Variants in IRAG1 observed in about 807,000 individuals in gnomAD.
IRAG1 encodes inositol 1,4,5-triphosphate receptor associated 1.
Under a neutral mutation model 106.2 loss-of-function variants are expected in IRAG1, and 62 were observed. The observed-to-expected ratio is 0.58, with a 90% CI of 0.48 to 0.72. The LOEUF (loss-of-function observed/expected upper bound fraction) is 0.72, where lower values mean the gene tolerates loss of function less well. Among genes scored for constraint, IRAG1 ranks in the 30% least tolerant of loss-of-function variants. The pLI is 0.00. For missense variants in IRAG1, 1,064 were observed against 1,140.7 expected (o/e 0.93, Z 0.97); for synonymous variants, 462 against 443.9 (o/e 1.04, Z -0.51).
chr11:10,629,910 C>T, intron 4 of IRAG1, 199 bp from the exon 5 acceptor site: 2 of 564,960 alleles, frequency 3.5e-6, no homozygotes. Flanking sequence ...GGCTTATGGC[C>T]TGTGGTCCTC....
intron 9 of IRAG1, among the ~76,000 whole-genome samples, chr11:10,624,727 G>T (rs1856102504): frequency 6.6e-6 from 1 of 152,348 alleles, no homozygotes; most frequent in Non-Finnish European, 1.5e-5. Context: ...CAGCCCATCA[G>T]CTTCAGCACA....
intron 1 of IRAG1, among the ~76,000 whole-genome samples, chr11:10,683,429 A>T (rs914702711): frequency 2.0e-5 from 3 of 152,166 alleles, no homozygotes; most frequent in Non-Finnish European, 4.4e-5. Flanking sequence ...TCAAAAAAAA[A>T]TTTTACAAAG....
intron 1 of IRAG1, among the ~76,000 whole-genome samples, chr11:10,669,853 C>T (rs1009488750): frequency 1.3e-5 from 2 of 152,256 alleles, no homozygotes; most frequent in African/African-American, 4.8e-5. Context: ...TATTGATTTC[C>T]CAGCAGGTGA....
At chr11:10,663,540 T>A (rs1364562200) in intron 1 of IRAG1, among the ~76,000 whole-genome samples, 1 of 152,140 alleles carries the variant, frequency 6.6e-6, no homozygotes, top group Non-Finnish European at 1.5e-5. Context: ...CTCTGGGGTG[T>A]GTCCTCCAAG....
chr11:10,675,284 A>C (rs1454124921), intron 1 of IRAG1, among the ~76,000 whole-genome samples: 1 of 152,154 alleles, frequency 6.6e-6, no homozygotes, highest in Admixed American at 6.5e-5. Flanking sequence ...TCAGACCCCA[A>C]GTAGAATCTG....
intron 1 of IRAG1, among the ~76,000 whole-genome samples, chr11:10,686,186 G>C (rs11042919): frequency 6.6e-6 from 1 of 151,978 alleles, no homozygotes; most frequent in East Asian, 1.9e-4. Flanking sequence ...ACTTATTCAG[G>C]TATAAGTACT....
In IRAG1 at chr11:10,626,445, G is replaced by A; in HGVS notation, c.889C>T (p.Gln297Ter). Residue 297 changes from glutamine to a stop codon, truncating the protein, a stop_gained, in exon 9 of 21, where the codon CAG becomes TAG. Coordinates refer to ENST00000423302, the MANE Select transcript of IRAG1 (RefSeq NM_130385.4). LOFTEE classifies it high-confidence loss of function. ...IEQKENFDPLQYPETTPKGLA... is the reference protein window; with the variant it reads ...IEQKENFDPL ...CCTTTGGGTGTGGTCTCGGGGTACT[G>A]GAGGGGATCGAAGTTTTCCTTTTGT... The A allele has an allele frequency of 6.2e-7, 1 of 1,613,950 alleles. No individual in the cohort carries two copies. The highest frequency in any genetic ancestry group is 8.5e-7 in the Non-Finnish European group (1 of 1,179,868).
chr11:10,685,411 G>GT (rs1861592965), intron 1 of IRAG1, among the ~76,000 whole-genome samples: 1 of 88,032 alleles, frequency 1.1e-5, no homozygotes. Flanking sequence ...GCAAGATTCC[G>GT]TTCCCAAAAA....
rs888090109 is a variant in IRAG1, at chr11:10,576,132, C to T, written c.*200G>A. ...TCATCCACTGGATGCTTTCCCAGGG[C>T]AGTTTTGTTGATCCTCCAAGAACAT... On this transcript the variant is annotated 3_prime_UTR_variant, in exon 21 of 21. Coordinates refer to ENST00000423302, the MANE Select transcript of IRAG1 (RefSeq NM_130385.4). The T allele has an allele frequency of 1.1e-5, 7 of 646,468 alleles. No homozygotes were observed. Among genetic ancestry groups the T allele is most frequent in the Non-Finnish European group, 1.8e-5 (7 of 386,742 alleles). The allele number at this position is 646,468 out of a possible 1,614,324, so 40.0% of individuals were successfully genotyped here.
At chr11:10,614,056 A>AT (rs1478225777) in intron 10 of IRAG1, among the ~76,000 whole-genome samples, 2 of 152,116 alleles carry the variant, frequency 1.3e-5, no homozygotes, top group African/African-American at 4.8e-5. Flanking sequence ...TCCTGCCAAA[A>AT]TTATTCAAAC....
intron 1 of IRAG1, among the ~76,000 whole-genome samples, chr11:10,669,124 T>A (rs1441204145): frequency 6.6e-6 from 1 of 152,240 alleles, no homozygotes; most frequent in Non-Finnish European, 1.5e-5. Flanking sequence ...GACCCATTTT[T>A]AATAAATAAA....
intron 8 of IRAG1, 41 bp downstream of exon 8, chr11:10,627,675 C>A (rs1222113261): frequency 1.2e-6 from 2 of 1,611,526 alleles, no homozygotes; most frequent in Admixed American, 1.7e-5. Context: ...ACTGTGCCCC[C>A]CACACTCAAA....
At chr11:10,587,001 G>A (rs1852081740) in intron 18 of IRAG1, among the ~76,000 whole-genome samples, 2 of 152,140 alleles carry the variant, frequency 1.3e-5, no homozygotes, top group Non-Finnish European at 1.5e-5. Flanking sequence ...TGGACTAAAC[G>A]AATCTGTAAT....
In IRAG1 at chr11:10,659,479, C is replaced by T. The variant is rs552163998; in HGVS notation, c.68-7297G>A. The stretch of plus-strand genomic sequence containing the variant: ...GTGTCCCCTAAACAAAGTCACGTTT[C>T]GGGAGGCTGGCCCTGAGAACCCCGA... On this transcript the variant is annotated intron_variant, in intron 1 of 20. Coordinates refer to ENST00000423302, the MANE Select transcript of IRAG1 (RefSeq NM_130385.4). This position sits in a 1 kb window ranked among gnomAD's most constrained non-coding sequence, Gnocchi z 4.1. 3.0e-4 allele frequency among the ~76,000 whole-genome samples: 46 copies of T among 152,254 alleles called. 1 individual carries two copies. The highest frequency in any genetic ancestry group is 2.5e-3 in the Admixed American group (39 of 15,310).
intron 15 of IRAG1, among the ~76,000 whole-genome samples, chr11:10,599,090 T>A (rs1329355565): frequency 6.6e-6 from 1 of 152,192 alleles, no homozygotes; most frequent in Non-Finnish European, 1.5e-5. Flanking sequence ...CACGTACAGC[T>A]ATCGTTGACC....
At chr11:10,584,550 T>A (rs1165794561) in intron 18 of IRAG1, among the ~76,000 whole-genome samples, 16 of 15,222 alleles carry the variant, frequency 1.1e-3, no homozygotes, top group Non-Finnish European at 1.8e-3. Context: ...TTTCATGAAA[T>A]ATATATATAT....
At position 10,576,151 on chromosome 11, in the gene IRAG1, A is replaced by G; in HGVS notation, c.*181T>C. ...CCAGGGCAGTTTTGTTGATCCTCCA[A>G]GAACATCAAGTCACTGTGTATGAAT... On this transcript the variant is annotated 3_prime_UTR_variant, in exon 21 of 21. Transcript: ENST00000423302. 1.3e-6 allele frequency: 1 copy of G among 767,450 alleles called. No individual in the cohort carries two copies. Among genetic ancestry groups the G allele is most frequent in the Non-Finnish European group, 2.0e-6 (1 of 491,806 alleles). 47.5% of individuals were successfully genotyped at this position (767,450 alleles called of 1,614,324 possible).
At chr11:10,635,656 G>T (rs1186100874) in intron 2 of IRAG1, among the ~76,000 whole-genome samples, 1 of 152,160 alleles carries the variant, frequency 6.6e-6, no homozygotes, top group African/African-American at 2.4e-5. Context: ...TGTGAAATGG[G>T]TCTCATACAG....
chr11:10,614,965 C>G (rs1376223763), intron 10 of IRAG1, among the ~76,000 whole-genome samples: 1 of 152,184 alleles, frequency 6.6e-6, no homozygotes, highest in East Asian at 1.9e-4. Context: ...AGCTTCTGCA[C>G]AGCAAAAGAA....
Sources: allele counts gnomAD v4.1 joint callset (sites outside exome capture counted in the v4.1 genomes callset), GRCh38; gene constraint gnomAD v4.1.1; non-coding constraint Gnocchi (gnomAD v3.1); transcripts MANE v1.5; gene names NCBI Gene and HGNC (gene_info 2026-07-23, HGNC 2026-07-21).